GABRG3: variants seen among roughly 807,000 people sequenced by gnomAD.
GABRG3 encodes gamma-aminobutyric acid type A receptor subunit gamma3, also known as gamma-aminobutyric acid receptor subunit gamma-3.
GABRG3 carries 25 observed loss-of-function variants against 48.8 expected under a neutral mutation model. That is an observed-to-expected ratio of 0.51 (90% CI 0.37 to 0.72). The LOEUF (loss-of-function observed/expected upper bound fraction) is 0.72, where lower values mean the gene tolerates loss of function less well. Ranked by LOEUF, GABRG3 falls within the 30% of genes least tolerant of loss-of-function variation. GABRG3 has a pLI of 0.00. For missense variants in GABRG3, 394 were observed against 577.9 expected (o/e 0.68, Z 3.26); for synonymous variants, 227 against 217.6 (o/e 1.04, Z -0.38).
chr15:27,046,102 TA>T (rs1382188412), intron 3 of GABRG3, among the ~76,000 whole-genome samples: 1 of 152,028 alleles, frequency 6.6e-6, no homozygotes, highest in Non-Finnish European at 1.5e-5. Context: ...TTTTCTTTTT[TA>T]TTTTTTTGAG....
At chr15:27,508,630 C>G (rs1019018162) in intron 6 of GABRG3, among the ~76,000 whole-genome samples, 2 of 152,108 alleles carry the variant, frequency 1.3e-5, no homozygotes, top group Non-Finnish European at 2.9e-5. Context: ...CTCTGAAGAA[C>G]TTCCTTTCCA....
chr15:27,409,151 G>T (rs921015068), intron 5 of GABRG3, among the ~76,000 whole-genome samples: 1 of 151,772 alleles, frequency 6.6e-6, no homozygotes, highest in Non-Finnish European at 1.5e-5. Context: ...AATGGGTCTT[G>T]CTTCTGATAT....
In GABRG3 at chr15:27,236,173, G is replaced by A. The variant is rs763690238; in HGVS notation, c.271-90636G>A. ...CCCAGAACACTTTTCTGTAAACCGT[G>A]TCCGGCGTACATGGAAGCATCTCAG... On this transcript the variant is annotated intron_variant, in intron 3 of 9. Coordinates refer to ENST00000615808, the MANE Select transcript of GABRG3 (RefSeq NM_033223.5). The surrounding 1 kb of genome is among the most constrained non-coding windows in gnomAD (Gnocchi z 4.4). Among the ~76,000 whole-genome samples, 1 of 152,132 alleles carries A rather than the reference G, an allele frequency of 6.6e-6. No individual in the cohort carries two copies. The highest frequency in any genetic ancestry group is 1.5e-5 in the Non-Finnish European group (1 of 68,032).
At chr15:27,019,162 G>A (rs1459900573) in intron 2 of GABRG3, among the ~76,000 whole-genome samples, 10 of 143,226 alleles carry the variant, frequency 7.0e-5, no homozygotes, top group African/African-American at 7.8e-5. Flanking sequence ...TCTGCCTCCC[G>A]GGTTCACGCC....
chr15:27,391,222 T>A lies in GABRG3; in HGVS notation c.574+62334T>A, dbSNP rs1331666602. ...CTCTTTTAATATTTTATAGGCTTTA[T>A]TATAGTTCTATTACACTTGTAAAGC... On this transcript the variant is annotated intron_variant, in intron 5 of 9. Coordinates refer to ENST00000615808, the MANE Select transcript of GABRG3 (RefSeq NM_033223.5). 5.3e-5 allele frequency among the ~76,000 whole-genome samples: 8 copies of A among 152,330 alleles called. No individual in the cohort carries two copies. The East Asian group carries it at 9.6e-4, about 18-fold the overall frequency.
In GABRG3 at chr15:27,180,444, C is replaced by T. The variant is rs1025400469; in HGVS notation, c.271-146365C>T. Reference sequence around the variant, plus strand: ...CACGTTGTGCATCCATTGTCACACTCGGGACTCTCTGCCTACCCTATGCTT... The same window carrying T: ...CACGTTGTGCATCCATTGTCACACTTGGGACTCTCTGCCTACCCTATGCTT... On this transcript the variant is annotated intron_variant, in intron 3 of 9. Transcript: ENST00000615808. The surrounding 1 kb of genome is among the most constrained non-coding windows in gnomAD (Gnocchi z 4.2). Among the ~76,000 whole-genome samples, 2 of 152,048 alleles carry T rather than the reference C, an allele frequency of 1.3e-5. No individual in the cohort carries two copies. The highest frequency in any genetic ancestry group is 3.9e-4 in the East Asian group (2 of 5,156).
chr15:27,193,002 G>A (rs1461390425), intron 3 of GABRG3, among the ~76,000 whole-genome samples: 1 of 152,202 alleles, frequency 6.6e-6, no homozygotes, highest in Admixed American at 6.5e-5. Flanking sequence ...GTTTGCCTGG[G>A]TATCAGCAGC....
chr15:27,209,834 G>A (rs1381183436), intron 3 of GABRG3, among the ~76,000 whole-genome samples: 1 of 152,202 alleles, frequency 6.6e-6, no homozygotes, highest in Non-Finnish European at 1.5e-5. Flanking sequence ...AGCCAGGTTG[G>A]TGTCTTCTGA....
At chr15:27,253,532 G>C (rs953043004) in intron 3 of GABRG3, among the ~76,000 whole-genome samples, 2 of 152,210 alleles carry the variant, frequency 1.3e-5, no homozygotes, top group African/African-American at 4.8e-5. Context: ...CCTGTCCCTG[G>C]GAGTATTGAT....
chr15:27,084,389 C>T (rs1441364638), intron 3 of GABRG3, among the ~76,000 whole-genome samples: 1 of 152,172 alleles, frequency 6.6e-6, no homozygotes, highest in African/African-American at 2.4e-5. Context: ...CAAGGTGCCT[C>T]CAAATGGGAA....
intron 3 of GABRG3, among the ~76,000 whole-genome samples, chr15:27,212,645 C>T (rs888073355): frequency 3.3e-5 from 5 of 152,162 alleles, no homozygotes; most frequent in South Asian, 2.1e-4. Context: ...TTCACGTTGT[C>T]GTACAACCGT....
In GABRG3 at chr15:27,062,877, C is replaced by G. The variant is rs1305507528; in HGVS notation, c.270+36056C>G. ...AAAAGAGAAATTTAACAGTTAATTTCTTTGGCGCTATTACTTTATTTGTAA... is the reference window on the plus strand; with the variant it reads ...AAAAGAGAAATTTAACAGTTAATTTGTTTGGCGCTATTACTTTATTTGTAA... On this transcript the variant is annotated intron_variant, in intron 3 of 9. Transcript: ENST00000615808. Among the ~76,000 whole-genome samples, 3 of 152,154 alleles carry G rather than the reference C, an allele frequency of 2.0e-5. No homozygotes were observed. In the East Asian group the frequency reaches 5.8e-4, roughly 29 times the overall value.
At chr15:27,332,693 T>C (rs150408231) in intron 5 of GABRG3, among the ~76,000 whole-genome samples, 1 of 152,336 alleles carries the variant, frequency 6.6e-6, no homozygotes, top group Non-Finnish European at 1.5e-5. Flanking sequence ...ACTTGTTATA[T>C]TCACTATCAT....
At chr15:27,455,299 T>C (rs1003609353) in intron 5 of GABRG3, among the ~76,000 whole-genome samples, 2 of 152,214 alleles carry the variant, frequency 1.3e-5, no homozygotes, top group Non-Finnish European at 2.9e-5. Flanking sequence ...CCCTTTAATC[T>C]ACTAGTGTGT....
intron 3 of GABRG3, among the ~76,000 whole-genome samples, chr15:27,241,414 T>G (rs1890123958): frequency 6.6e-6 from 1 of 152,230 alleles, no homozygotes; most frequent in Non-Finnish European, 1.5e-5. Flanking sequence ...GTAAAGGACT[T>G]ACAGCAGCAA....
chr15:26,984,878 A>G (rs7167355), intron 2 of GABRG3, among the ~76,000 whole-genome samples: 79,171 of 151,970 alleles, frequency 0.52, 20,945 homozygotes, highest in Middle Eastern at 0.6. Context: ...GGCTTTTAAA[A>G]GTGAATAGAC....
chr15:27,513,490 G>A (rs932637872), intron 6 of GABRG3, among the ~76,000 whole-genome samples: 1 of 151,988 alleles, frequency 6.6e-6, no homozygotes, highest in African/African-American at 2.4e-5. Flanking sequence ...ATTACAAGTA[G>A]CTGTTACAGA....
chr15:27,396,442 A>G (rs376491364), intron 5 of GABRG3, among the ~76,000 whole-genome samples: 3 of 152,242 alleles, frequency 2.0e-5, no homozygotes, highest in Non-Finnish European at 2.9e-5. Context: ...AATTAAAACT[A>G]GATTGCAGTA....
At chr15:27,425,465 A>AAG (rs1566835287) in intron 5 of GABRG3, among the ~76,000 whole-genome samples, 1 of 150,486 alleles carries the variant, frequency 6.6e-6, no homozygotes. Context: ...AAAAAAAAAA[A>AAG]ATAGGCGTGG....
Sources: allele counts gnomAD v4.1 joint callset (sites outside exome capture counted in the v4.1 genomes callset), GRCh38; gene constraint gnomAD v4.1.1; non-coding constraint Gnocchi (gnomAD v3.1); transcripts MANE v1.5; gene names NCBI Gene and HGNC (gene_info 2026-07-23, HGNC 2026-07-21).